CYP3A5: variants seen among roughly 807,000 people sequenced by gnomAD.
CYP3A5 encodes cytochrome P450 3A5.
In CYP3A5, 51 loss-of-function variants were observed where a neutral mutation model predicts 55.9. That is an observed-to-expected ratio of 0.91 (90% CI 0.73 to 1.15). CYP3A5 has a LOEUF of 1.15. Ranked by LOEUF, CYP3A5 falls within the 50% of genes most tolerant of loss-of-function variation. CYP3A5 has a pLI of 0.00. For missense variants in CYP3A5, 533 were observed against 596.6 expected (o/e 0.89, Z 1.11); for synonymous variants, 196 against 213.9 (o/e 0.92, Z 0.73).
chr7:99,679,229 A>ATG (rs1812589818), intron 1 of CYP3A5, among the ~76,000 whole-genome samples: 1 of 151,918 alleles, frequency 6.6e-6, no homozygotes, highest in East Asian at 1.9e-4. Flanking sequence ...GAGGGAGGGG[A>ATG]TTTTCAGGGG....
Position 99,662,860 on chromosome 7 carries a change from A to G in CYP3A5, c.821T>C (p.Leu274Pro), listed in dbSNP as rs756839053. ...KQKHRLDFLQ[L>P]MIDSQNSKET... ...TTTCGAATTCTGGGAGTCAATCATC[A>G]GCTGAAGGAAATCTAGTCGGTGCTA... Residue 274 changes from leucine (L) to proline (P), a missense_variant, in exon 9 of 13, where the codon CTG becomes CCG. Physicochemically the swap from Leu to Pro is moderately conservative, Grantham distance 98 (BLOSUM62 -3). Coordinates refer to ENST00000222982, the MANE Select transcript of CYP3A5 (RefSeq NM_000777.5). The surrounding 1 kb of genome is among the most constrained non-coding windows in gnomAD (Gnocchi z 4.3). The G allele has an allele frequency of 1.4e-5, 23 of 1,613,970 alleles. No homozygotes were observed. The highest frequency in any genetic ancestry group is 1.9e-5 in the Non-Finnish European group (23 of 1,179,888).
At chr7:99,650,021 A>G (rs1240381700) in intron 12 of CYP3A5, 52 bp downstream of exon 12, 3 of 1,595,040 alleles carry the variant, frequency 1.9e-6, no homozygotes, top group East Asian at 4.5e-5. Context: ...TAAAAAATAT[A>G]TACCCTTCAG....
chr7:99,659,947 G>T (rs1810239854), intron 10 of CYP3A5: 1 of 153,096 alleles, frequency 6.5e-6, no homozygotes, highest in Admixed American at 6.5e-5. Context: ...GGGTGGGAGT[G>T]ACCTGATTTT....
chr7:99,674,252 A>AT (rs1811996558), intron 3 of CYP3A5: 1 of 296,360 alleles, frequency 3.4e-6, no homozygotes, highest in South Asian at 1.3e-4. Flanking sequence ...GCTAACAATA[A>AT]TTATCTCAAA....
At chr7:99,676,487 G>T in intron 1 of CYP3A5, 1 of 1,400,178 alleles carries the variant, frequency 7.1e-7, no homozygotes, top group South Asian at 1.1e-5. Context: ...AAATGCTCCT[G>T]AGAGGTTCAG....
chr7:99,660,542 T>C lies in CYP3A5; in HGVS notation c.983A>G (p.Gln328Arg). Reference protein sequence around the residue: ...LYELATHPDVQQKLQKEIDAV... With the variant: ...LYELATHPDVRQKLQKEIDAV... Reference sequence around the variant, plus strand: ...ATCAATCTCCTTTTGCAGTTTCTGCTGGACATCAGGGTGAGTGGCCAGTTC... The same window carrying C: ...ATCAATCTCCTTTTGCAGTTTCTGCCGGACATCAGGGTGAGTGGCCAGTTC... The change falls in exon 10 of 13, where the codon CAG (glutamine) becomes CGG (arginine). Residue 328 changes from glutamine (Q) to arginine (R), a missense_variant. Physicochemically the swap from Gln to Arg is conservative, Grantham distance 43. Coordinates refer to ENST00000222982, the MANE Select transcript of CYP3A5 (RefSeq NM_000777.5). 6.2e-7 allele frequency: 1 copy of C among 1,613,866 alleles called. No individual in the cohort carries two copies. The highest frequency in any genetic ancestry group is 8.5e-7 in the Non-Finnish European group (1 of 1,179,918).
At chr7:99,658,406 G>T (rs1257061347) in intron 10 of CYP3A5, among the ~76,000 whole-genome samples, 1 of 152,078 alleles carries the variant, frequency 6.6e-6, no homozygotes, top group Admixed American at 6.5e-5. Context: ...GTTGAATATT[G>T]GCCCCCACTC....
Position 99,652,588 on chromosome 7 carries a change from C to A in CYP3A5, c.1218G>T (p.Lys406Asn). 1 of 1,613,710 alleles carries A rather than the reference C, an allele frequency of 6.2e-7. No individual in the cohort carries two copies. The highest frequency in any genetic ancestry group is 8.5e-7 in the Non-Finnish European group (1 of 1,179,750). ...GGAACTCCTCAGGCTCTGTCCAGTA[C>A]TTTGGGTCATGGTGAAGAGCATAAG... ...IPTYALHHDP[K>N]YWTEPEEFRP... The change falls in exon 11 of 13, where the codon AAG (lysine) becomes AAT (asparagine). Residue 406 changes from lysine (K) to asparagine (N), a missense_variant. Coordinates refer to ENST00000222982, the MANE Select transcript of CYP3A5 (RefSeq NM_000777.5).
chr7:99,651,318 G>A (rs558370679), intron 11 of CYP3A5, among the ~76,000 whole-genome samples: 9 of 152,094 alleles, frequency 5.9e-5, no homozygotes, highest in African/African-American at 1.9e-4. Flanking sequence ...TAAATCATAT[G>A]GATTTATGGA....
At chr7:99,667,441 A>G (rs1051723240) in intron 4 of CYP3A5, among the ~76,000 whole-genome samples, 1 of 152,202 alleles carries the variant, frequency 6.6e-6, no homozygotes, top group African/African-American at 2.4e-5. Context: ...GGCAGACTGT[A>G]TGTTGCCTCA....
chr7:99,660,211 C>A (rs573348116), intron 10 of CYP3A5: 1 of 796,326 alleles, frequency 1.3e-6, no homozygotes, highest in Admixed American at 7.3e-5. Context: ...TCTCGCCACA[C>A]TCCTTTTTTT....
At chr7:99,663,471 C>T in intron 8 of CYP3A5, 1 of 990,128 alleles carries the variant, frequency 1.0e-6, no homozygotes, top group Non-Finnish European at 1.2e-6. Flanking sequence ...CCTCAATTCT[C>T]AGAGAAGACC....
intron 10 of CYP3A5, among the ~76,000 whole-genome samples, chr7:99,657,139 T>C (rs1412251065): frequency 1.3e-5 from 2 of 152,256 alleles, no homozygotes; most frequent in Admixed American, 1.3e-4. Context: ...TGAATGTGTT[T>C]GCTCCTGCTT....
intron 3 of CYP3A5, 60 bp downstream of exon 3, chr7:99,674,473 C>T (rs1812021488): frequency 7.4e-7 from 1 of 1,358,928 alleles, no homozygotes; most frequent in Non-Finnish European, 1.0e-6. Flanking sequence ...GACTATCCTG[C>T]AGTGGGGTAA....
At chr7:99,663,700 G>A (rs558209513) in intron 8 of CYP3A5, 356 of 1,065,036 alleles carry the variant, frequency 3.3e-4, no homozygotes, top group Admixed American at 4.8e-4. Flanking sequence ...TTAAAGGGAA[G>A]AGAAGTGGTA....
rs556021133 is a variant in CYP3A5, at chr7:99,678,454, C to T, written c.71+1372G>A. Among the ~76,000 whole-genome samples, 10 of 152,244 alleles carry T rather than the reference C, an allele frequency of 6.6e-5. 1 individual carries two copies. Among genetic ancestry groups the T allele is most frequent in the East Asian group, 1.9e-4 (1 of 5,184 alleles). On this transcript the variant is annotated intron_variant, in intron 1 of 12. Transcript: ENST00000222982. ...AGACAATCTGCTAAGCAGGTATATT[C>T]GAAAAGGAGTTATTAAAATAAATGG... is the stretch of plus-strand genomic sequence containing the variant.
At position 99,648,387 on chromosome 7, in the gene CYP3A5, A is replaced by G. The variant is rs184177673; in HGVS notation, c.1427T>C (p.Leu476Ser). The G allele has an allele frequency of 1.4e-5, 22 of 1,612,316 alleles. No individual in the cohort carries two copies. In the Admixed American group the frequency reaches 1.8e-4, roughly 13 times the overall value. The change falls in exon 13 of 13, where the codon TTA (leucine) becomes TCA (serine). Residue 476 changes from leucine (L) to serine (S), a missense_variant. Physicochemically the swap from Leu to Ser is moderately radical, Grantham distance 145. Transcript: ENST00000222982. ...PCKETQIPLK[L>S]DTQGLLQPEK... ...TGGTTGAAGAAGTCCTTGCGTGTCT[A>G]ATTTCAAGGGGATCTACAATAGTTA...
At chr7:99,676,632 A>G (rs1339397550) in intron 1 of CYP3A5, 1 of 1,074,778 alleles carries the variant, frequency 9.3e-7, no homozygotes, top group Non-Finnish European at 1.3e-6. Context: ...GAGATTTTGC[A>G]TCACTGTATG....
At chr7:99,654,128 C>G (rs112407276) in intron 10 of CYP3A5, among the ~76,000 whole-genome samples, 2,603 of 152,022 alleles carry the variant, frequency 0.017, 65 homozygotes, top group African/African-American at 0.058. Flanking sequence ...ATGTACACAA[C>G]GTGCAGGTTT....
Sources: allele counts gnomAD v4.1 joint callset (sites outside exome capture counted in the v4.1 genomes callset), GRCh38; gene constraint gnomAD v4.1.1; non-coding constraint Gnocchi (gnomAD v3.1); transcripts MANE v1.5; gene names NCBI Gene and HGNC (gene_info 2026-07-23, HGNC 2026-07-21).